G2E3: variants seen among roughly 807,000 people sequenced by gnomAD.
G2E3 encodes the protein G2/M phase-specific E3 ubiquitin-protein ligase.
G2E3 carries 35 observed loss-of-function variants against 92.8 expected under a neutral mutation model. That is an observed-to-expected ratio of 0.38 (90% CI 0.29 to 0.50). The LOEUF (loss-of-function observed/expected upper bound fraction) is 0.50, where lower values mean the gene tolerates loss of function less well. G2E3 is among the 20% of genes least tolerant of loss of function. G2E3 has a pLI of 0.94. For missense variants in G2E3, 554 were observed against 823.8 expected, an observed-to-expected ratio of 0.67 and a Z score of 4.01; for synonymous variants, 242 against 272.4, an observed-to-expected ratio of 0.89 and a Z score of 1.10.
intron 1 of G2E3, among the ~76,000 whole-genome samples, chr14:30,563,853 G>A (rs2138758776): frequency 6.6e-6 from 1 of 151,908 alleles, no homozygotes; most frequent in South Asian, 2.1e-4. Flanking sequence ...CTGAGTAGCT[G>A]GATTACAGGC....
chr14:30,584,359 G>A (rs1196036108), intron 2 of G2E3, among the ~76,000 whole-genome samples: 1 of 152,212 alleles, frequency 6.6e-6, no homozygotes, highest in Non-Finnish European at 1.5e-5. Context: ...GTATTTGTGT[G>A]AACATCTGTT....
intron 1 of G2E3, 179 bp from the exon 2 acceptor site, chr14:30,580,896 TC>T: frequency 1.8e-6 from 1 of 541,414 alleles, no homozygotes; most frequent in South Asian, 2.2e-5. Flanking sequence ...TAAAAAATGT[TC>T]CCGACTCTTA....
intron 1 of G2E3, among the ~76,000 whole-genome samples, chr14:30,567,301 CTT>C (rs1879493854): frequency 6.6e-6 from 1 of 152,030 alleles, no homozygotes; most frequent in Non-Finnish European, 1.5e-5. Context: ...TGGGCTAGGA[CTT>C]TATTCGTTGG....
intron 4 of G2E3, 106 bp from the exon 5 acceptor site, chr14:30,592,217 G>A (rs994175876): frequency 1.7e-5 from 17 of 989,466 alleles, no homozygotes; most frequent in Non-Finnish European, 2.6e-5. Context: ...GTTACATGAT[G>A]AAATAATTTT....
intron 2 of G2E3, among the ~76,000 whole-genome samples, chr14:30,584,506 G>T (rs930418131): frequency 2.0e-5 from 3 of 152,148 alleles, no homozygotes. Flanking sequence ...GTGTGTGATG[G>T]TTTTGATTTT....
intron 13 of G2E3, among the ~76,000 whole-genome samples, chr14:30,613,527 A>G (rs1882186109): frequency 6.6e-6 from 1 of 152,090 alleles, no homozygotes; most frequent in Admixed American, 6.5e-5. Context: ...CTCATTTTGT[A>G]CATTTTAGCC....
chr14:30,597,122 C>G (rs753072075), intron 6 of G2E3, among the ~76,000 whole-genome samples: 6 of 151,908 alleles, frequency 3.9e-5, no homozygotes, highest in Non-Finnish European at 7.4e-5. Context: ...TAAAGGGCAA[C>G]ACAACATTTA....
intron 12 of G2E3, among the ~76,000 whole-genome samples, chr14:30,609,301 C>T (rs1881980126): frequency 1.3e-5 from 2 of 152,214 alleles, no homozygotes; most frequent in South Asian, 2.1e-4. Context: ...TTCTTGTAAT[C>T]AGGCTTCTGT....
intron 6 of G2E3, among the ~76,000 whole-genome samples, chr14:30,596,398 A>G (rs1479375272): frequency 6.6e-6 from 1 of 152,086 alleles, no homozygotes; most frequent in Non-Finnish European, 1.5e-5. Flanking sequence ...ACTGTCTTTA[A>G]CTTACCTACC....
At chr14:30,584,093 A>T (rs1218463900) in intron 2 of G2E3, among the ~76,000 whole-genome samples, 2 of 152,178 alleles carry the variant, frequency 1.3e-5, no homozygotes, top group Non-Finnish European at 2.9e-5. Flanking sequence ...CTTATGTTGG[A>T]TAAAGTAATC....
intron 8 of G2E3, among the ~76,000 whole-genome samples, chr14:30,601,005 CAG>C (rs1363114982): frequency 6.6e-6 from 1 of 152,164 alleles, no homozygotes; most frequent in African/African-American, 2.4e-5. Flanking sequence ...TGTCACTGGG[CAG>C]AGACACACAC....
Position 30,615,387 on chromosome 14 carries a change from A to G in G2E3, c.1712A>G (p.Lys571Arg). 7 of 1,602,116 alleles carry G rather than the reference A, an allele frequency of 4.4e-6. No homozygotes were observed. Among genetic ancestry groups the G allele is most frequent in the Non-Finnish European group, 6.0e-6 (7 of 1,176,030 alleles). Reference sequence around the variant, plus strand: ...CTGAAAACCCTTGGTGTTTTGGAGAAAATTCAGGCTTATCCAGAAGCATTT... The same window carrying G: ...CTGAAAACCCTTGGTGTTTTGGAGAGAATTCAGGCTTATCCAGAAGCATTT... ...QGLKTLGVLE[K>R]IQAYPEAFCS... The change falls in exon 14 of 15, where the codon AAA becomes AGA. Residue 571 changes from lysine to arginine, a missense_variant. Lys to Arg is a conservative substitution (Grantham distance 26). Transcript: ENST00000206595.
chr14:30,605,693 AT>A lies in G2E3; in HGVS notation c.1203del (p.Phe401LeufsTer13). On this transcript the variant is annotated frameshift_variant, in exon 11 of 15. Coordinates refer to ENST00000206595, the MANE Select transcript of G2E3 (RefSeq NM_017769.5). LOFTEE classifies it high-confidence loss of function. ...GTAGCATATGTTATTGAAAATGATAATTTTGGAAGTGAGCATCCTGGATCAA... is the reference window on the plus strand; with the variant it reads ...GTAGCATATGTTATTGAAAATGATAATTTGGAAGTGAGCATCCTGGATCAA... ...IEVAYVIEND[N>X]FGSEHPGSKQ... The A allele has an allele frequency of 1.9e-6, 3 of 1,609,642 alleles. No homozygotes were observed. Among genetic ancestry groups the A allele is most frequent in the Admixed American group, 1.7e-5 (1 of 59,832 alleles).
At chr14:30,616,005 GT>G (rs1882295806) in intron 14 of G2E3, among the ~76,000 whole-genome samples, 1 of 152,024 alleles carries the variant, frequency 6.6e-6, no homozygotes, top group Admixed American at 6.6e-5. Context: ...TAGATTTTTG[GT>G]TTTTTACCGT....
chr14:30,583,854 G>A (rs1004386498), intron 2 of G2E3, among the ~76,000 whole-genome samples: 1 of 152,154 alleles, frequency 6.6e-6, no homozygotes, highest in African/African-American at 2.4e-5. Context: ...GTGTTGGGAG[G>A]GGTGGATAAA....
intron 8 of G2E3, among the ~76,000 whole-genome samples, chr14:30,599,988 T>A (rs904191505): frequency 4.6e-5 from 7 of 152,214 alleles, no homozygotes; most frequent in African/African-American, 1.7e-4. Context: ...AACAGTCATT[T>A]TGTGCATTTG....
chr14:30,566,108 C>G (rs1879421296), intron 1 of G2E3, among the ~76,000 whole-genome samples: 1 of 152,158 alleles, frequency 6.6e-6, no homozygotes, highest in South Asian at 2.1e-4. Flanking sequence ...TTCTTCTTTT[C>G]TATTGATGTG....
Position 30,618,373 on chromosome 14 carries a change from C to A in G2E3, c.*1839C>A, listed in dbSNP as rs1183346044. 1 of 152,028 alleles carries A rather than the reference C, an allele frequency of 6.6e-6. No individual in the cohort carries two copies. The highest frequency in any genetic ancestry group is 1.5e-5 in the Non-Finnish European group (1 of 67,940). 9.4% of individuals were successfully genotyped at this position (152,028 alleles called of 1,614,324 possible). Reference sequence around the variant, plus strand: ...GATAAAAAGATATTTGTTTCTTTATCCACCTTATTTTTATTACAGCTAAAA... The same window carrying A: ...GATAAAAAGATATTTGTTTCTTTATACACCTTATTTTTATTACAGCTAAAA... On this transcript the variant is annotated 3_prime_UTR_variant, in exon 15 of 15. Transcript: ENST00000206595.
chr14:30,589,079 A>G (rs1299259106), intron 3 of G2E3, among the ~76,000 whole-genome samples: 1 of 151,822 alleles, frequency 6.6e-6, no homozygotes, highest in Non-Finnish European at 1.5e-5. Context: ...TTCTTCCTCT[A>G]ACCCACCTAA....
Sources: allele counts gnomAD v4.1 joint callset (sites outside exome capture counted in the v4.1 genomes callset), GRCh38; gene constraint gnomAD v4.1.1; transcripts MANE v1.5; gene names NCBI Gene and HGNC (gene_info 2026-07-23, HGNC 2026-07-21).